Variants in PTPRN2 observed in about 807,000 individuals in gnomAD.
PTPRN2 encodes the protein protein tyrosine phosphatase receptor type N2, also known as receptor-type tyrosine-protein phosphatase N2.
PTPRN2 carries 74 observed loss-of-function variants against 118.8 expected under a neutral mutation model. The ratio of observed to expected loss-of-function variants is 0.62; its 90% CI spans 0.52 to 0.76. The LOEUF (loss-of-function observed/expected upper bound fraction) is 0.76. PTPRN2 is among the 30% of genes least tolerant of loss of function. PTPRN2 has a pLI of 0.00. For synonymous variants in PTPRN2, 641 were observed against 608.0 expected, an observed-to-expected ratio of 1.05 and a Z score of -0.80; for missense variants, 1,481 against 1,394.4, an observed-to-expected ratio of 1.06 and a Z score of -0.99.
intron 3 of PTPRN2, among the ~76,000 whole-genome samples, chr7:158,248,710 C>T (rs1360051187): frequency 6.6e-6 from 1 of 151,260 alleles, no homozygotes; most frequent in South Asian, 2.1e-4. Context: ...ACACGCCACA[C>T]ACATGCACCC....
chr7:158,214,377 A>C (rs1180128280), intron 3 of PTPRN2, among the ~76,000 whole-genome samples: 2 of 148,568 alleles, frequency 1.3e-5, no homozygotes, highest in Non-Finnish European at 3.0e-5. Flanking sequence ...AAGAGGCCGC[A>C]ATCCGGAAAC....
At chr7:158,446,598 G>A (rs887515345) in intron 2 of PTPRN2, among the ~76,000 whole-genome samples, 14 of 152,354 alleles carry the variant, frequency 9.2e-5, no homozygotes, top group Admixed American at 6.5e-4. Context: ...CCCTGCCTGG[G>A]CTGCCATGGA....
chr7:158,331,021 C>A (rs7808023), intron 2 of PTPRN2, among the ~76,000 whole-genome samples: 7 of 91,096 alleles, frequency 7.7e-5, no homozygotes, highest in East Asian at 7.3e-4. Context: ...TCACTCACAT[C>A]CACACTCTCA....
At chr7:157,842,491 C>T (rs1421050996) in intron 12 of PTPRN2, among the ~76,000 whole-genome samples, 4 of 150,164 alleles carry the variant, frequency 2.7e-5, no homozygotes, top group African/African-American at 7.4e-5. Flanking sequence ...CTTGGCTCAC[C>T]GCAACCTCCA....
At chr7:157,592,432 C>T (rs1255888750) in intron 17 of PTPRN2, among the ~76,000 whole-genome samples, 6 of 151,764 alleles carry the variant, frequency 4.0e-5, no homozygotes, top group Admixed American at 1.3e-4. Context: ...TCATCGTGGT[C>T]GTTGAGTGTG....
Position 157,615,587 on chromosome 7 carries a change from G to A in PTPRN2, c.2344+5775C>T, listed in dbSNP as rs746884062. 8.5e-6 allele frequency: 4 copies of A among 471,220 alleles called. No homozygotes were observed. The highest frequency in any genetic ancestry group is 4.0e-5 in the African/African-American group (2 of 50,222). 29.2% of individuals were successfully genotyped at this position (471,220 alleles called of 1,614,324 possible). A position where few individuals can be genotyped will look rare whatever the true frequency, so the allele number is the denominator to read the frequency against. On this transcript the variant is annotated intron_variant, in intron 15 of 22. Coordinates refer to ENST00000389418, the MANE Select transcript of PTPRN2 (RefSeq NM_002847.5). The surrounding 1 kb of genome is among the most constrained non-coding windows in gnomAD (Gnocchi z 4.3). The stretch of plus-strand genomic sequence containing the variant: ...GGAACCAGCGCCTGGGAAGTCCCGC[G>A]GTGGATCCGCGTCACGGGGGAGGAT...
At chr7:158,362,542 T>G (rs1411310568) in intron 2 of PTPRN2, among the ~76,000 whole-genome samples, 1 of 152,244 alleles carries the variant, frequency 6.6e-6, no homozygotes, top group Non-Finnish European at 1.5e-5. Flanking sequence ...TACATTTTGT[T>G]GGGCACAAAT....
At chr7:158,456,517 C>T (rs930786017) in intron 2 of PTPRN2, among the ~76,000 whole-genome samples, 24 of 148,778 alleles carry the variant, frequency 1.6e-4, no homozygotes, top group African/African-American at 5.2e-4. Flanking sequence ...CGGATGCCAT[C>T]GGCCATGGCC....
At chr7:158,120,498 A>C (rs1176668383) in intron 9 of PTPRN2, among the ~76,000 whole-genome samples, 1 of 152,146 alleles carries the variant, frequency 6.6e-6, no homozygotes. Context: ...TGGCTCACGG[A>C]GAAAGCTGAG....
intron 12 of PTPRN2, among the ~76,000 whole-genome samples, chr7:157,747,342 G>T (rs369007389): frequency 8.0e-6 from 1 of 125,090 alleles, no homozygotes; most frequent in Non-Finnish European, 1.6e-5. Context: ...TCCCTGAGCT[G>T]TGGGGTGTCC....
At chr7:157,970,992 A>T (rs4716850) in intron 11 of PTPRN2, among the ~76,000 whole-genome samples, 3 of 151,906 alleles carry the variant, frequency 2.0e-5, no homozygotes, top group East Asian at 3.9e-4. Flanking sequence ...CCATTTACCC[A>T]GTAAAGTCAG....
At chr7:157,852,045 C>A (rs1809316497) in intron 12 of PTPRN2, among the ~76,000 whole-genome samples, 1 of 152,212 alleles carries the variant, frequency 6.6e-6, no homozygotes, top group Non-Finnish European at 1.5e-5. Context: ...AAAACGACAC[C>A]TTCACGTTAT....
At chr7:158,346,709 C>T (rs1316574738) in intron 2 of PTPRN2, among the ~76,000 whole-genome samples, 1 of 152,150 alleles carries the variant, frequency 6.6e-6, no homozygotes, top group East Asian at 1.9e-4. Context: ...AATGACTGTA[C>T]CGATTTAGAT....
At chr7:158,406,031 G>GCA (rs1172397043) in intron 2 of PTPRN2, among the ~76,000 whole-genome samples, 1 of 141,592 alleles carries the variant, frequency 7.1e-6, no homozygotes, top group Admixed American at 7.1e-5. Context: ...CTGAGATCCC[G>GCA]GTGGCTCATC....
intron 12 of PTPRN2, among the ~76,000 whole-genome samples, chr7:157,714,089 C>T (rs1487313444): frequency 1.3e-5 from 2 of 152,234 alleles, no homozygotes; most frequent in South Asian, 2.1e-4. Context: ...CTTATTCTTG[C>T]TGACTATATG....
At chr7:157,802,749 A>G (rs768894300) in intron 12 of PTPRN2, among the ~76,000 whole-genome samples, 26 of 152,328 alleles carry the variant, frequency 1.7e-4, no homozygotes, top group Non-Finnish European at 3.4e-4. Flanking sequence ...CTTTTTGGTC[A>G]CAGCCTCCTG....
In PTPRN2 at chr7:157,643,010, C is replaced by T. The variant is rs376408127; in HGVS notation, c.2196+13347G>A. On this transcript the variant is annotated intron_variant, in intron 14 of 22. Coordinates refer to ENST00000389418, the MANE Select transcript of PTPRN2 (RefSeq NM_002847.5). ...GCCCAAACATCCAATCAAACCAGGT[C>T]GTAAATATACAGGTAGTCCCCGCTT... Among the ~76,000 whole-genome samples, 6 of 152,170 alleles carry T rather than the reference C, an allele frequency of 3.9e-5. No individual in the cohort carries two copies. The East Asian group carries it at 9.7e-4, about 25-fold the overall frequency.
chr7:158,363,504 G>C (rs553623797), intron 2 of PTPRN2, among the ~76,000 whole-genome samples: 1 of 152,224 alleles, frequency 6.6e-6, no homozygotes, highest in East Asian at 1.9e-4. Context: ...GTCGAAGCCT[G>C]CACACAATTC....
At chr7:158,260,484 A>G (rs1312823626) in intron 3 of PTPRN2, among the ~76,000 whole-genome samples, 1 of 152,220 alleles carries the variant, frequency 6.6e-6, no homozygotes, top group Non-Finnish European at 1.5e-5. Context: ...ACCGGATACG[A>G]CTTCTTCAGA....
Sources: allele counts gnomAD v4.1 joint callset (sites outside exome capture counted in the v4.1 genomes callset), GRCh38; gene constraint gnomAD v4.1.1; non-coding constraint Gnocchi (gnomAD v3.1); transcripts MANE v1.5; gene names NCBI Gene and HGNC (gene_info 2026-07-23, HGNC 2026-07-21).